NCK1: variants seen among roughly 807,000 people sequenced by gnomAD.
The protein encoded by NCK1 is SH2/SH3 adapter protein NCK1.
Under a neutral mutation model 36.6 loss-of-function variants are expected in NCK1, and 19 were observed. The ratio of observed to expected loss-of-function variants is 0.52; its 90% CI spans 0.36 to 0.76. NCK1 has a LOEUF of 0.76. Among genes scored for constraint, NCK1 ranks in the 30% least tolerant of loss-of-function variants. The pLI, the probability that NCK1 is intolerant of heterozygous loss-of-function variation, is 0.00. For missense variants in NCK1, 358 were observed against 445.6 expected, an observed-to-expected ratio of 0.80 and a Z score of 1.77; for synonymous variants, 165 against 156.0, an observed-to-expected ratio of 1.06 and a Z score of -0.43.
chr3:136,888,700 C>G (rs1010062724), intron 1 of NCK1, among the ~76,000 whole-genome samples: 1 of 152,034 alleles, frequency 6.6e-6, no homozygotes, highest in African/African-American at 2.4e-5. Context: ...ATGCCATACT[C>G]ATTAGTTGTC....
rs75755018 is a variant in NCK1, at chr3:136,912,492, CTTT to C, written c.-18-15480_-18-15478del. ...TTGCCTCTTTTGACTTTTCTTCAGT[CTTT>C]TTTTTTTTTTTATGTTGCCCTATCA... On this transcript the variant is annotated intron_variant, in intron 1 of 3. Coordinates refer to ENST00000481752, the MANE Select transcript of NCK1 (RefSeq NM_001291999.2). 9.3e-3 allele frequency among the ~76,000 whole-genome samples: 1,355 copies of C among 145,496 alleles called. 16 individuals are homozygous for C. The highest frequency in any genetic ancestry group is 0.013 in the Non-Finnish European group (884 of 66,112).
intron 1 of NCK1, among the ~76,000 whole-genome samples, chr3:136,893,600 GC>G (rs1939313105): frequency 6.6e-6 from 1 of 152,086 alleles, no homozygotes; most frequent in Non-Finnish European, 1.5e-5. Flanking sequence ...TGTTTACTCT[GC>G]TGATTGTGTC....
intron 1 of NCK1, among the ~76,000 whole-genome samples, chr3:136,875,336 G>T (rs1309961297): frequency 6.6e-6 from 1 of 152,060 alleles, no homozygotes; most frequent in African/African-American, 2.4e-5. Context: ...GGGACAATTT[G>T]ACTTCCTCTT....
At chr3:136,912,382 G>T (rs1007126594) in intron 1 of NCK1, among the ~76,000 whole-genome samples, 1 of 151,724 alleles carries the variant, frequency 6.6e-6, no homozygotes, top group African/African-American at 2.4e-5. Context: ...CAGGCTGGTA[G>T]CCATTAGTTT....
At chr3:136,923,260 T>C (rs1940158469) in intron 1 of NCK1, among the ~76,000 whole-genome samples, 1 of 151,750 alleles carries the variant, frequency 6.6e-6, no homozygotes, top group Admixed American at 6.6e-5. Context: ...CCAAAACAAA[T>C]AAATAGCTGT....
chr3:136,931,941 GA>G (rs1353628768), intron 2 of NCK1, among the ~76,000 whole-genome samples: 1 of 152,120 alleles, frequency 6.6e-6, no homozygotes, highest in African/African-American at 2.4e-5. Context: ...TCAACATGGT[GA>G]AACACTGTCT....
At chr3:136,903,625 G>A (rs978657822) in intron 1 of NCK1, among the ~76,000 whole-genome samples, 15 of 152,088 alleles carry the variant, frequency 9.9e-5, no homozygotes, top group Admixed American at 2.6e-4. Flanking sequence ...GGGTTTCACC[G>A]TGTAGGCCAG....
chr3:136,927,947 TC>T, intron 1 of NCK1, 36 bp from the exon 2 acceptor site: 1 of 1,420,076 alleles, frequency 7.0e-7, no homozygotes, highest in South Asian at 1.2e-5. Context: ...TAATACTACC[TC>T]AACCTTACAT....
chr3:136,886,368 T>C (rs1010197652), intron 1 of NCK1, among the ~76,000 whole-genome samples: 1 of 152,164 alleles, frequency 6.6e-6, no homozygotes, highest in African/African-American at 2.4e-5. Flanking sequence ...CTTGAGTCTC[T>C]TGTGTAAAAT....
At chr3:136,878,473 A>C (rs1044627632) in intron 1 of NCK1, among the ~76,000 whole-genome samples, 9 of 152,194 alleles carry the variant, frequency 5.9e-5, no homozygotes, top group African/African-American at 2.2e-4. Context: ...ATTTGTATGA[A>C]GTATCCAGAA....
chr3:136,899,980 T>C, intron 1 of NCK1: 1 of 710,910 alleles, frequency 1.4e-6, no homozygotes, highest in South Asian at 1.5e-5. Context: ...GATTGCTTGT[T>C]TAAAGGTACA....
intron 1 of NCK1, among the ~76,000 whole-genome samples, chr3:136,914,413 T>C (rs1276428331): frequency 1.3e-5 from 2 of 152,184 alleles, no homozygotes; most frequent in African/African-American, 4.8e-5. Flanking sequence ...AATACTTAAA[T>C]AAGACAGATT....
At chr3:136,886,505 G>GA (rs1467837188) in intron 1 of NCK1, among the ~76,000 whole-genome samples, 3 of 151,542 alleles carry the variant, frequency 2.0e-5, no homozygotes, top group Non-Finnish European at 4.4e-5. Context: ...TAATGACAAG[G>GA]AAAAAACGTC....
At chr3:136,876,158 G>A (rs1468329346) in intron 1 of NCK1, among the ~76,000 whole-genome samples, 5 of 151,540 alleles carry the variant, frequency 3.3e-5, no homozygotes, top group Admixed American at 6.6e-5. Flanking sequence ...AAAGCAGTGT[G>A]TAGAGGGAAA....
intron 1 of NCK1, among the ~76,000 whole-genome samples, chr3:136,864,598 G>A (rs1192576012): frequency 1.3e-5 from 2 of 152,194 alleles, no homozygotes; most frequent in East Asian, 3.8e-4. Flanking sequence ...CACTTGGGAG[G>A]CCAAGGCGGG....
At chr3:136,910,340 C>G (rs1939801494) in intron 1 of NCK1, among the ~76,000 whole-genome samples, 1 of 152,112 alleles carries the variant, frequency 6.6e-6, no homozygotes, top group Admixed American at 6.5e-5. Context: ...CAGCTCCATC[C>G]CTACCCCCTT....
At chr3:136,902,692 A>G (rs1207228133) in intron 1 of NCK1, among the ~76,000 whole-genome samples, 2 of 148,608 alleles carry the variant, frequency 1.3e-5, no homozygotes, top group Admixed American at 1.3e-4. Flanking sequence ...TTAACACAGT[A>G]CTGCAAGTCC....
intron 1 of NCK1, among the ~76,000 whole-genome samples, chr3:136,906,412 T>C (rs1939686781): frequency 6.6e-6 from 1 of 152,080 alleles, no homozygotes; most frequent in Admixed American, 6.6e-5. Flanking sequence ...GCCTGGCCTG[T>C]GATAAGGTTT....
intron 1 of NCK1, among the ~76,000 whole-genome samples, chr3:136,893,408 T>G (rs150129538): frequency 6.6e-6 from 1 of 152,006 alleles, no homozygotes; most frequent in South Asian, 2.1e-4. Context: ...ATTAGTGATG[T>G]TGAACATTTT....
Sources: gnomAD v4.1 joint callset for allele counts (sites outside exome capture counted in the v4.1 genomes callset) on GRCh38, gnomAD v4.1.1 for gene constraint, MANE v1.5 for transcripts, NCBI Gene and HGNC (gene_info 2026-07-23, HGNC 2026-07-21) for gene names.